The following YPEL2 variants were observed in gnomAD, a reference collection of about 807,000 sequenced individuals.
YPEL2 encodes yippee like 2.
Under a neutral mutation model 19.1 loss-of-function variants are expected in YPEL2, and 2 were observed. The ratio of observed to expected loss-of-function variants is 0.10; its 90% CI spans 0.04 to 0.33. YPEL2 has a LOEUF of 0.33. Ranked by LOEUF, YPEL2 falls within the 10% of genes least tolerant of loss-of-function variation. The probability of loss-of-function intolerance (pLI) is 1.00; values close to 1 mark genes in which losing one functional copy is unlikely to be tolerated. For synonymous variants in YPEL2, 52 were observed against 50.0 expected (o/e 1.04, Z -0.17); for missense variants, 66 against 140.7 (o/e 0.47, Z 2.68).
intron 2 of YPEL2, among the ~76,000 whole-genome samples, chr17:59,372,528 G>T (rs1287501102): frequency 6.6e-6 from 1 of 151,880 alleles, no homozygotes; most frequent in African/African-American, 2.4e-5. Flanking sequence ...TGGTCTAACC[G>T]GCTGGTCCTT....
Position 59,371,515 on chromosome 17 carries a change from T to C in YPEL2, c.118-16812T>C, listed in dbSNP as rs568318164. Among the ~76,000 whole-genome samples, 3 of 152,312 alleles carry C rather than the reference T, an allele frequency of 2.0e-5. No homozygotes were observed. In the East Asian group the frequency reaches 5.8e-4, roughly 29 times the overall value. ...GAGAGGCAAGCAAACTCTGTGTTTG[T>C]GTGAGCTGGAGAATGCAGGGGCTGC... On this transcript the variant is annotated intron_variant, in intron 2 of 4. Coordinates refer to ENST00000312655, the MANE Select transcript of YPEL2 (RefSeq NM_001005404.4).
chr17:59,372,859 A>T (rs1229588852), intron 2 of YPEL2, among the ~76,000 whole-genome samples: 1 of 152,192 alleles, frequency 6.6e-6, no homozygotes, highest in Non-Finnish European at 1.5e-5. Flanking sequence ...AGAACATGGG[A>T]CATACAGTGT....
chr17:59,362,143 G>A (rs547091220), intron 2 of YPEL2, among the ~76,000 whole-genome samples: 1 of 151,938 alleles, frequency 6.6e-6, no homozygotes, highest in Admixed American at 6.5e-5. Context: ...GTGAGGAAGA[G>A]ACTAGAATGG....
chr17:59,370,475 C>G (rs1385492327), intron 2 of YPEL2, among the ~76,000 whole-genome samples: 1 of 152,144 alleles, frequency 6.6e-6, no homozygotes, highest in African/African-American at 2.4e-5. Context: ...GTCCTCAGGC[C>G]AGGCAGGCTA....
At chr17:59,383,174 T>C (rs2047958372) in intron 2 of YPEL2, among the ~76,000 whole-genome samples, 1 of 152,160 alleles carries the variant, frequency 6.6e-6, no homozygotes, top group Non-Finnish European at 1.5e-5. Flanking sequence ...ATTTATTGAA[T>C]TTTAAAAATT....
At chr17:59,361,852 G>A (rs772511000) in intron 2 of YPEL2, among the ~76,000 whole-genome samples, 5 of 152,200 alleles carry the variant, frequency 3.3e-5, no homozygotes, top group Non-Finnish European at 7.3e-5. Context: ...TGGCATTGAA[G>A]TGTGCCTGGA....
rs1484279665 is a variant in YPEL2, at chr17:59,340,424, T to A, written c.-196+8600T>A. On this transcript the variant is annotated intron_variant, in intron 1 of 4. Transcript: ENST00000312655. ...GTGCCCAGCTGGAACTTTATTTATT[T>A]TTTTTTTTTGAGACAGAGTCTTGCT... 2.0e-5 allele frequency among the ~76,000 whole-genome samples: 3 copies of A among 150,946 alleles called. 1 individual carries two copies. Among genetic ancestry groups the A allele is most frequent in the East Asian group, 3.9e-4 (2 of 5,108 alleles).
chr17:59,369,331 G>C (rs555841127), intron 2 of YPEL2, among the ~76,000 whole-genome samples: 2 of 152,274 alleles, frequency 1.3e-5, no homozygotes, highest in East Asian at 3.9e-4. Flanking sequence ...GGGGATTCTT[G>C]GACAGTGATT....
chr17:59,363,150 A>T (rs910010588), intron 2 of YPEL2: 1 of 149,188 alleles, frequency 6.7e-6, no homozygotes, highest in African/African-American at 2.5e-5. Context: ...ATGTATATAT[A>T]GATATATATA....
chr17:59,361,289 C>T lies in YPEL2; in HGVS notation c.117+7763C>T, dbSNP rs1038960058. ...TCTGTCTTTGCACAAATACTAATTACGTACTCTGTGTGTGTGTGCGCGTGC... is the reference window on the plus strand; with the variant it reads ...TCTGTCTTTGCACAAATACTAATTATGTACTCTGTGTGTGTGTGCGCGTGC... On this transcript the variant is annotated intron_variant, in intron 2 of 4. Coordinates refer to ENST00000312655, the MANE Select transcript of YPEL2 (RefSeq NM_001005404.4). Among the ~76,000 whole-genome samples, 9 of 152,128 alleles carry T rather than the reference C, an allele frequency of 5.9e-5. No homozygotes were observed. In the South Asian group the frequency reaches 8.3e-4, roughly 14 times the overall value.
At position 59,401,334 on chromosome 17, in the gene YPEL2, A is replaced by T. The variant is rs530113626; in HGVS notation, c.*4144A>T. 1 of 152,742 alleles carries T rather than the reference A, an allele frequency of 6.5e-6. No homozygotes were observed. The highest frequency in any genetic ancestry group is 2.1e-4 in the South Asian group (1 of 4,822). The allele number at this position is 152,742 out of a possible 1,614,324, so 9.5% of individuals were successfully genotyped here. On this transcript the variant is annotated 3_prime_UTR_variant, in exon 5 of 5. Coordinates refer to ENST00000312655, the MANE Select transcript of YPEL2 (RefSeq NM_001005404.4). Reference sequence around the variant, plus strand: ...TTTTTAAAAATTAAAATAGTTATGAAATCTGGCAGAAAAGGTAAAGCCTAG... The same window carrying T: ...TTTTTAAAAATTAAAATAGTTATGATATCTGGCAGAAAAGGTAAAGCCTAG...
At chr17:59,391,675 A>G (rs575987228) in intron 4 of YPEL2, among the ~76,000 whole-genome samples, 2 of 152,222 alleles carry the variant, frequency 1.3e-5, no homozygotes, top group African/African-American at 4.8e-5. Flanking sequence ...AGGTGGGTGG[A>G]TCACCTGAGG....
At chr17:59,332,624 CG>C (rs1354359595) in intron 1 of YPEL2, among the ~76,000 whole-genome samples, 2 of 151,944 alleles carry the variant, frequency 1.3e-5, no homozygotes, top group African/African-American at 4.8e-5. Context: ...TGGGGGCGTG[CG>C]GGGGTGGGGG....
At position 59,398,270 on chromosome 17, in the gene YPEL2, C is replaced by G. The variant is rs969309561; in HGVS notation, c.*1080C>G. ...TCAGGTTCGGTGCATCTTTCCTCTTCGGTTTTACAGTGGCTTCCGTGGGAT... is the reference window on the plus strand; with the variant it reads ...TCAGGTTCGGTGCATCTTTCCTCTTGGGTTTTACAGTGGCTTCCGTGGGAT... On this transcript the variant is annotated 3_prime_UTR_variant, in exon 5 of 5. Coordinates refer to ENST00000312655, the MANE Select transcript of YPEL2 (RefSeq NM_001005404.4). 6.6e-6 allele frequency: 1 copy of G among 152,236 alleles called. No individual in the cohort carries two copies. Among genetic ancestry groups the G allele is most frequent in the Non-Finnish European group, 1.5e-5 (1 of 68,110 alleles). The allele number at this position is 152,236 out of a possible 1,614,324, so 9.4% of individuals were successfully genotyped here. A position where few individuals can be genotyped will look rare whatever the true frequency, so the allele number is the denominator to read the frequency against.
chr17:59,388,209 G>C (rs1292805087), intron 2 of YPEL2, 118 bp from the exon 3 acceptor site: 4 of 969,392 alleles, frequency 4.1e-6, no homozygotes, highest in African/African-American at 1.6e-5. Flanking sequence ...AACTGGCTCA[G>C]TACTCCCTTT....
chr17:59,368,427 A>C (rs1352370346), intron 2 of YPEL2, among the ~76,000 whole-genome samples: 1 of 152,218 alleles, frequency 6.6e-6, no homozygotes, highest in African/African-American at 2.4e-5. Flanking sequence ...GGGGAAGGCA[A>C]ATAGATAAAC....
At chr17:59,332,197 G>C (rs1172952607) in intron 1 of YPEL2, among the ~76,000 whole-genome samples, 1 of 152,046 alleles carries the variant, frequency 6.6e-6, no homozygotes, top group Non-Finnish European at 1.5e-5. Context: ...TCGTCCCCAT[G>C]GGTTCGGACT....
intron 2 of YPEL2, among the ~76,000 whole-genome samples, chr17:59,369,080 C>T (rs1598041534): frequency 6.6e-6 from 1 of 151,006 alleles, no homozygotes; most frequent in Admixed American, 6.6e-5. Flanking sequence ...AGGTCCTGGG[C>T]CCTCTGTCTC....
At chr17:59,386,241 C>T (rs890734784) in intron 2 of YPEL2, among the ~76,000 whole-genome samples, 8 of 151,052 alleles carry the variant, frequency 5.3e-5, no homozygotes, top group Non-Finnish European at 1.0e-4. Flanking sequence ...GCAGGAGGAT[C>T]GCTTGAGCCC....
Sources: gnomAD v4.1 joint callset for allele counts (sites outside exome capture counted in the v4.1 genomes callset) on GRCh38, gnomAD v4.1.1 for gene constraint, MANE v1.5 for transcripts, NCBI Gene and HGNC (gene_info 2026-07-23, HGNC 2026-07-21) for gene names.